The following RGS6 variants were observed in gnomAD, a reference collection of about 807,000 sequenced individuals.
RGS6 encodes regulator of G protein signaling 6.
A neutral mutation model predicts 78.5 loss-of-function variants in RGS6; 30 were observed. The observed-to-expected ratio is 0.38, with a 90% CI of 0.29 to 0.52. The LOEUF (loss-of-function observed/expected upper bound fraction) is 0.52. Among genes scored for constraint, RGS6 ranks in the 20% least tolerant of loss-of-function variants. The pLI is 0.85. For missense variants in RGS6, 495 were observed against 609.7 expected (o/e 0.81, Z 1.98); for synonymous variants, 206 against 206.0 (o/e 1.00, Z 0.00).
chr14:72,478,135 C>T lies in RGS6; in HGVS notation c.793-133C>T. The T allele has an allele frequency of 3.8e-5, 25 of 654,436 alleles. No individual in the cohort carries two copies. The South Asian group carries it at 4.7e-4, about 12-fold the overall frequency. The allele number at this position is 654,436 out of a possible 1,614,324, so 40.5% of individuals were successfully genotyped here. A position where few individuals can be genotyped will look rare whatever the true frequency, so the allele number is the denominator to read the frequency against. Reference sequence around the variant, plus strand: ...ACAAGTAATTTGCTGGAGGGCAGAGCTGAGGGAGTTGGAGATGTCTGGCCA... The same window carrying T: ...ACAAGTAATTTGCTGGAGGGCAGAGTTGAGGGAGTTGGAGATGTCTGGCCA... On this transcript the variant is annotated intron_variant, in intron 11 of 17. Coordinates refer to ENST00000553525, the MANE Select transcript of RGS6 (RefSeq NM_001204424.2).
intron 2 of RGS6, among the ~76,000 whole-genome samples, chr14:72,305,006 A>G (rs2066921696): frequency 6.6e-6 from 1 of 152,208 alleles, no homozygotes; most frequent in Admixed American, 6.5e-5. Context: ...GGACATTACC[A>G]AACTTTCTGA....
At chr14:72,155,965 A>G (rs974270776) in intron 2 of RGS6, among the ~76,000 whole-genome samples, 4 of 152,250 alleles carry the variant, frequency 2.6e-5, no homozygotes, top group African/African-American at 9.6e-5. Flanking sequence ...GCTTGTCTGC[A>G]GATTAGAATC....
intron 2 of RGS6, among the ~76,000 whole-genome samples, chr14:72,315,005 T>G (rs1188931143): frequency 1.3e-5 from 2 of 152,214 alleles, no homozygotes; most frequent in Non-Finnish European, 2.9e-5. Context: ...TAAGCTATCC[T>G]TCCCCCACTC....
At chr14:71,905,304 T>A in the RGS6 span, among the ~76,000 whole-genome samples, 1 of 152,188 alleles carries the variant, frequency 6.6e-6, no homozygotes, top group African/African-American at 2.4e-5. Context: ...AAACCTCAGC[T>A]CTTTGCCCTT....
chr14:72,352,232 A>C, intron 3 of RGS6, 38 bp downstream of exon 3: 1 of 1,493,950 alleles, frequency 6.7e-7, no homozygotes, highest in Non-Finnish European at 9.3e-7. Context: ...AACAGTCAGA[A>C]CTACCAAAGA....
At chr14:72,107,997 C>G (rs1597689176) in intron 2 of RGS6, among the ~76,000 whole-genome samples, 1 of 152,104 alleles carries the variant, frequency 6.6e-6, no homozygotes, top group African/African-American at 2.4e-5. Flanking sequence ...ATGCTATACT[C>G]TCTTCCATTT....
the RGS6 span, among the ~76,000 whole-genome samples, chr14:71,913,119 G>C: frequency 6.6e-6 from 1 of 152,058 alleles, no homozygotes; most frequent in South Asian, 2.1e-4. Flanking sequence ...GAGCCACCGC[G>C]CCTGGCCTAC....
chr14:72,325,885 T>G (rs570653414), intron 2 of RGS6, among the ~76,000 whole-genome samples: 5 of 152,294 alleles, frequency 3.3e-5, no homozygotes, highest in Admixed American at 1.3e-4. Flanking sequence ...TCAAAAAGTT[T>G]AATCACACAT....
intron 2 of RGS6, among the ~76,000 whole-genome samples, chr14:72,204,640 G>T (rs1040525183): frequency 2.0e-5 from 3 of 152,188 alleles, no homozygotes; most frequent in Admixed American, 6.5e-5. Context: ...GCACCTTCTT[G>T]CTGTGTCTTC....
chr14:72,377,210 A>T (rs1260886151), intron 3 of RGS6, among the ~76,000 whole-genome samples: 1 of 152,204 alleles, frequency 6.6e-6, no homozygotes, highest in Non-Finnish European at 1.5e-5. Context: ...ATGGAAAAAG[A>T]TACTCCATGC....
intron 2 of RGS6, among the ~76,000 whole-genome samples, chr14:71,979,509 A>C (rs1246925699): frequency 1.3e-5 from 2 of 151,924 alleles, no homozygotes; most frequent in Non-Finnish European, 2.9e-5. Context: ...TTCTGCCTTC[A>C]TTTCGTTATG....
the RGS6 span, among the ~76,000 whole-genome samples, chr14:71,908,631 G>A: frequency 1.3e-5 from 2 of 152,114 alleles, no homozygotes; most frequent in Non-Finnish European, 2.9e-5. Flanking sequence ...CCACAGGAGG[G>A]GTAGTGTCAA....
At chr14:72,225,383 T>C (rs933586001) in intron 2 of RGS6, among the ~76,000 whole-genome samples, 1 of 152,210 alleles carries the variant, frequency 6.6e-6, no homozygotes, top group Non-Finnish European at 1.5e-5. Flanking sequence ...AGTGCAGTGA[T>C]GCAATCACAG....
intron 13 of RGS6, among the ~76,000 whole-genome samples, chr14:72,498,671 G>A (rs1405025565): frequency 6.6e-6 from 1 of 152,044 alleles, no homozygotes; most frequent in African/African-American, 2.4e-5. Context: ...TGATGGTATG[G>A]GCCAATGGTT....
intron 15 of RGS6, among the ~76,000 whole-genome samples, chr14:72,530,457 G>T (rs2097168439): frequency 6.6e-6 from 1 of 152,136 alleles, no homozygotes; most frequent in African/African-American, 2.4e-5. Flanking sequence ...GGAGGCCGAG[G>T]CGGGTGAATC....
At chr14:71,967,158 C>T (rs1302386599) in intron 2 of RGS6, among the ~76,000 whole-genome samples, 1 of 148,742 alleles carries the variant, frequency 6.7e-6, no homozygotes, top group Non-Finnish European at 1.5e-5. Flanking sequence ...GAAACTATAT[C>T]TTACTTTCGT....
chr14:72,348,758 A>G (rs1169380660), intron 2 of RGS6, among the ~76,000 whole-genome samples: 7 of 152,226 alleles, frequency 4.6e-5, no homozygotes, highest in African/African-American at 1.4e-4. Flanking sequence ...CTGACACTGA[A>G]TGTCAAGTAT....
At chr14:71,876,473 CTTTTTTTTT>C in the RGS6 span, among the ~76,000 whole-genome samples, 7 of 72,482 alleles carry the variant, frequency 9.7e-5, no homozygotes, top group African/African-American at 3.1e-4. Context: ...GCAACCGCTG[CTTTTTTTTT>C]TTTTTTTTTT....
chr14:72,234,381 A>G (rs1413157441), intron 2 of RGS6, among the ~76,000 whole-genome samples: 1 of 152,144 alleles, frequency 6.6e-6, no homozygotes, highest in Non-Finnish European at 1.5e-5. Context: ...TGATGTATAA[A>G]AACAGAAATG....
Sources: gnomAD v4.1 joint callset for allele counts (sites outside exome capture counted in the v4.1 genomes callset) on GRCh38, gnomAD v4.1.1 for gene constraint, MANE v1.5 for transcripts, NCBI Gene and HGNC (gene_info 2026-07-23, HGNC 2026-07-21) for gene names.